MYO5C: variants seen among roughly 807,000 people sequenced by gnomAD.
MYO5C encodes myosin VC, also known as unconventional myosin-Vc.
In MYO5C, 194 loss-of-function variants were observed where a neutral mutation model predicts 235.7. The ratio of observed to expected loss-of-function variants is 0.82; its 90% CI spans 0.73 to 0.93. MYO5C has a LOEUF of 0.93. MYO5C is among the 40% of genes least tolerant of loss of function. The pLI is 0.00. For missense variants in MYO5C, 2,038 were observed against 2,127.2 expected, an observed-to-expected ratio of 0.96 and a Z score of 0.82; for synonymous variants, 707 against 754.8, an observed-to-expected ratio of 0.94 and a Z score of 1.04.
In MYO5C at chr15:52,269,884, T is replaced by C. The variant is rs768798252; in HGVS notation, c.833-24A>G. 3 of 1,523,104 alleles carry C rather than the reference T, an allele frequency of 2.0e-6. No individual in the cohort carries two copies. In the South Asian group the frequency reaches 3.4e-5, roughly 17 times the overall value. 94.3% of individuals were successfully genotyped at this position (1,523,104 alleles called of 1,614,324 possible). A position where few individuals can be genotyped will look rare whatever the true frequency, so the allele number is the denominator to read the frequency against. ...CCCTGAAATCAAAAAGTAAGATTTG[T>C]TATGTCTGTAACACAGAAATTTGGA... On this transcript the variant is annotated intron_variant, in intron 7 of 40. Coordinates refer to ENST00000261839, the MANE Select transcript of MYO5C (RefSeq NM_018728.4).
chr15:52,287,845 G>A (rs377595575), intron 1 of MYO5C, among the ~76,000 whole-genome samples: 2 of 152,246 alleles, frequency 1.3e-5, no homozygotes, highest in South Asian at 2.1e-4. Context: ...GCGTGGTGGC[G>A]CATGCCTCTA....
rs778172598 is a variant in MYO5C at position 52,279,467 on chromosome 15, A to G, written c.304+42T>C. On this transcript the variant is annotated intron_variant, in intron 3 of 40. Coordinates refer to ENST00000261839, the MANE Select transcript of MYO5C (RefSeq NM_018728.4). ...AGGAGGCTCTAGACAGCAAGCTTAC[A>G]TTCCAGTGCCATTCCTTACTTCCTA... The G allele has an allele frequency of 1.1e-5, 18 of 1,582,304 alleles. No individual in the cohort carries two copies. The Admixed American group carries it at 1.2e-4, about 10-fold the overall frequency.
intron 1 of MYO5C, among the ~76,000 whole-genome samples, chr15:52,285,698 G>C (rs28648837): frequency 2.0e-5 from 3 of 152,124 alleles, no homozygotes; most frequent in Admixed American, 2.0e-4. Context: ...CTCCAGCTCC[G>C]AACCACGAGT....
chr15:52,284,463 C>T (rs1017233247), intron 1 of MYO5C, among the ~76,000 whole-genome samples: 5 of 152,046 alleles, frequency 3.3e-5, no homozygotes, highest in Non-Finnish European at 7.4e-5. Context: ...GGAGTGACTC[C>T]GAAGGTGTAT....
chr15:52,256,331 A>G (rs2036576813), intron 11 of MYO5C, among the ~76,000 whole-genome samples: 1 of 152,154 alleles, frequency 6.6e-6, no homozygotes, highest in Non-Finnish European at 1.5e-5. Flanking sequence ...GAGAGGCTCG[A>G]AAGAAAGTGG....
chr15:52,260,953 G>A lies in MYO5C; in HGVS notation c.1222C>T (p.His408Tyr), dbSNP rs754113710. The change falls in exon 10 of 41, where the codon CAC (histidine) becomes TAC (tyrosine). Residue 408 changes from histidine to tyrosine, a missense_variant. Transcript: ENST00000261839. Reference sequence around the variant, plus strand: ...CTCTCCACAATGAAGTCGAACAGGTGAGCATAGATCTTTTTGGCCAGTGCA... The same window carrying A: ...CTCTCCACAATGAAGTCGAACAGGTAAGCATAGATCTTTTTGGCCAGTGCA... ...RDALAKKIYA[H>Y]LFDFIVERIN... 1.7e-5 allele frequency: 28 copies of A among 1,614,104 alleles called. No individual in the cohort carries two copies. Among genetic ancestry groups the A allele is most frequent in the East Asian group, 6.7e-5 (3 of 44,898 alleles).
At chr15:52,214,348 CAG>C (rs1173888825) in intron 33 of MYO5C, among the ~76,000 whole-genome samples, 8 of 152,180 alleles carry the variant, frequency 5.3e-5, no homozygotes, top group African/African-American at 1.9e-4. Flanking sequence ...AGGGAGCTAA[CAG>C]AGGAAGAGGT....
chr15:52,271,966 T>G (rs2036935001), intron 6 of MYO5C, 122 bp from the exon 7 acceptor site: 4 of 525,428 alleles, frequency 7.6e-6, no homozygotes, highest in Non-Finnish European at 1.3e-5. Context: ...TGGGATGTGA[T>G]CTGGCCAGTT....
intron 8 of MYO5C, among the ~76,000 whole-genome samples, chr15:52,266,774 G>A (rs1276108473): frequency 1.3e-5 from 2 of 152,230 alleles, no homozygotes; most frequent in African/African-American, 4.8e-5. Flanking sequence ...GCCCTAGCAT[G>A]TCTAAACAGA....
chr15:52,248,706 T>C lies in MYO5C; in HGVS notation c.1740A>G (p.Ala580=), dbSNP rs2036407329. ...VYDMLVEILR[A]SKFHLCANFF... ...CCCCTAGGACTTTACAGACCTTGCTTGCTCTCAGGATTTCAACCAGCATGT... is the reference window on the plus strand; with the variant it reads ...CCCCTAGGACTTTACAGACCTTGCTCGCTCTCAGGATTTCAACCAGCATGT... The change falls in exon 14 of 41, where the codon GCA becomes GCG. Residue 580 remains alanine (A), a synonymous_variant. Transcript: ENST00000261839. 2.5e-6 allele frequency: 4 copies of C among 1,613,536 alleles called. No homozygotes were observed. Among genetic ancestry groups the C allele is most frequent in the Non-Finnish European group, 8.5e-7 (1 of 1,179,536 alleles).
intron 24 of MYO5C, among the ~76,000 whole-genome samples, chr15:52,231,475 C>G (rs562279358): frequency 6.6e-6 from 1 of 152,128 alleles, no homozygotes; most frequent in Admixed American, 6.5e-5. Flanking sequence ...TGCCGAGAGC[C>G]GAGCTCTTCT....
chr15:52,213,184 C>T lies in MYO5C; in HGVS notation c.4141+4G>A, dbSNP rs2035485226. ...CAAAAATCCAGAGTTCCAGGTTTCACTACCAAGAATGAGGTTCTGAATGAG... is the reference window on the plus strand; with the variant it reads ...CAAAAATCCAGAGTTCCAGGTTTCATTACCAAGAATGAGGTTCTGAATGAG... On this transcript the variant is annotated splice_donor_region_variant and intron_variant, in intron 34 of 40. Transcript: ENST00000261839. The T allele has an allele frequency of 6.2e-7, 1 of 1,611,940 alleles. No individual in the cohort carries two copies. Among genetic ancestry groups the T allele is most frequent in the Non-Finnish European group, 8.5e-7 (1 of 1,178,122 alleles).
Position 52,224,810 on chromosome 15 carries a change from T to C in MYO5C, c.3446+91A>G, listed in dbSNP as rs2035781753. 3 of 997,616 alleles carry C rather than the reference T, an allele frequency of 3.0e-6. No individual in the cohort carries two copies. In the South Asian group the frequency reaches 4.5e-5, roughly 15 times the overall value. The allele number at this position is 997,616 out of a possible 1,614,324, so 61.8% of individuals were successfully genotyped here. A position where few individuals can be genotyped will look rare whatever the true frequency, so the allele number is the denominator to read the frequency against. ...GTCATTCTACTATAAGGAATTTGTG[T>C]ATCAATCTATGTAAGGTAAACTTTG... On this transcript the variant is annotated intron_variant, in intron 28 of 40. Transcript: ENST00000261839.
At chr15:52,225,802 C>G (rs1177351193) in intron 25 of MYO5C, among the ~76,000 whole-genome samples, 2 of 152,174 alleles carry the variant, frequency 1.3e-5, no homozygotes, top group African/African-American at 4.8e-5. Flanking sequence ...GTAATCCCAG[C>G]ACTTTGGGAG....
intron 8 of MYO5C, 140 bp downstream of exon 8, chr15:52,269,610 CTCA>C: frequency 1.7e-6 from 1 of 588,768 alleles, no homozygotes; most frequent in East Asian, 2.9e-5. Context: ...CCAGAATGGT[CTCA>C]ATCTCCTGAC....
intron 10 of MYO5C, among the ~76,000 whole-genome samples, chr15:52,259,666 C>A (rs1162900229): frequency 6.6e-6 from 1 of 152,228 alleles, no homozygotes; most frequent in Non-Finnish European, 1.5e-5. Context: ...ACTAGGCTAT[C>A]CCAGTAATGT....
intron 2 of MYO5C, among the ~76,000 whole-genome samples, chr15:52,281,849 T>C (rs1432007720): frequency 6.6e-6 from 1 of 152,208 alleles, no homozygotes; most frequent in Non-Finnish European, 1.5e-5. Context: ...GCAGAACCCA[T>C]TTACATGCTT....
At chr15:52,268,635 A>T (rs1293189162) in intron 8 of MYO5C, among the ~76,000 whole-genome samples, 1 of 152,196 alleles carries the variant, frequency 6.6e-6, no homozygotes, top group African/African-American at 2.4e-5. Context: ...CTTCATGTGG[A>T]TGTCTAGACT....
rs2035979770 is a variant in MYO5C at position 52,232,325 on chromosome 15, G to GGAGGAGAGA, written c.3026+296_3026+297insTCTCTCCTC. Among the ~76,000 whole-genome samples, 3 of 148,884 alleles carry GGAGGAGAGA rather than the reference G, an allele frequency of 2.0e-5. 1 individual carries two copies. Among genetic ancestry groups the GGAGGAGAGA allele is most frequent in the African/African-American group, 7.4e-5 (3 of 40,610 alleles). ...AGAAGGAAGGAAGGAGAGAAGGAAG[G>GGAGGAGAGA]AAGGAGAGAAAGAAAGAAGAGAAAG... On this transcript the variant is annotated intron_variant, in intron 24 of 40. Coordinates refer to ENST00000261839, the MANE Select transcript of MYO5C (RefSeq NM_018728.4).
Sources: allele counts gnomAD v4.1 joint callset (sites outside exome capture counted in the v4.1 genomes callset), GRCh38; gene constraint gnomAD v4.1.1; transcripts MANE v1.5; gene names NCBI Gene and HGNC (gene_info 2026-07-23, HGNC 2026-07-21).